LMLN: variants seen among roughly 807,000 people sequenced by gnomAD.
LMLN encodes the protein leishmanolysin-like peptidase.
Under a neutral mutation model 92.3 loss-of-function variants are expected in LMLN, and 70 were observed. That is an observed-to-expected ratio of 0.76 (90% CI 0.63 to 0.92). The LOEUF is 0.92. Ranked by LOEUF, LMLN falls within the 40% of genes least tolerant of loss-of-function variation. The pLI is 0.00. For missense variants in LMLN, 691 were observed against 814.6 expected, an observed-to-expected ratio of 0.85 and a Z score of 1.85; for synonymous variants, 308 against 296.2, an observed-to-expected ratio of 1.04 and a Z score of -0.41.
At chr3:197,976,520 A>G in intron 4 of LMLN, 78 bp from the exon 5 acceptor site, 1 of 695,110 alleles carries the variant, frequency 1.4e-6, no homozygotes, top group Non-Finnish European at 2.5e-6. Context: ...AGCAGCTACC[A>G]GTTGGTTTCC....
chr3:198,022,276 A>G (rs2109938010), intron 13 of LMLN, among the ~76,000 whole-genome samples: 1 of 152,348 alleles, frequency 6.6e-6, no homozygotes, highest in East Asian at 1.9e-4. Context: ...TCAAAGGAAT[A>G]AACAGTATGG....
At chr3:198,030,963 G>T (rs1481878465) in intron 14 of LMLN, among the ~76,000 whole-genome samples, 6 of 148,032 alleles carry the variant, frequency 4.1e-5, no homozygotes, top group Admixed American at 4.0e-4. Context: ...CCTCACCTCT[G>T]CCCTCAGGGT....
intron 14 of LMLN, among the ~76,000 whole-genome samples, chr3:198,028,298 A>G (rs1485003750): frequency 6.6e-6 from 1 of 152,048 alleles, no homozygotes; most frequent in Non-Finnish European, 1.5e-5. Context: ...CCATGTTCAC[A>G]TTAGGGTTCA....
rs1222246333 is a variant in LMLN, at chr3:198,031,785, C to T, written c.1657-4048C>T. ...ATGGGTTGATTCTATTTTTGGTGAT[C>T]ATTAACAGCCTGTTCATATTCAAGA... On this transcript the variant is annotated intron_variant, in intron 14 of 15. Transcript: ENST00000330198. This position sits in a 1 kb window ranked among gnomAD's most constrained non-coding sequence, Gnocchi z 4.8. Among the ~76,000 whole-genome samples, 1 of 152,026 alleles carries T rather than the reference C, an allele frequency of 6.6e-6. No homozygotes were observed. The highest frequency in any genetic ancestry group is 1.5e-5 in the Non-Finnish European group (1 of 68,006).
chr3:197,963,713 CA>C (rs2109837467), intron 1 of LMLN, among the ~76,000 whole-genome samples: 1 of 152,226 alleles, frequency 6.6e-6, no homozygotes, highest in African/African-American at 2.4e-5. Flanking sequence ...TTGATGTTAG[CA>C]ATGTATTAAC....
chr3:197,986,835 A>AT (rs1245046265), intron 8 of LMLN, among the ~76,000 whole-genome samples: 3 of 146,532 alleles, frequency 2.0e-5, no homozygotes, highest in Non-Finnish European at 4.5e-5. Context: ...ATGTTTGAAA[A>AT]TTTTTTTTCT....
chr3:197,992,662 GA>G (rs1404830076), intron 9 of LMLN, among the ~76,000 whole-genome samples: 1 of 152,110 alleles, frequency 6.6e-6, no homozygotes, highest in Admixed American at 6.5e-5. Flanking sequence ...CCATCAAAGA[GA>G]AGCCCAGGAC....
intron 11 of LMLN, among the ~76,000 whole-genome samples, chr3:198,017,147 A>AG (rs1722662041): frequency 6.6e-6 from 1 of 152,150 alleles, no homozygotes; most frequent in African/African-American, 2.4e-5. Context: ...GAAAAAAAAA[A>AG]CAGGTTGTGG....
intron 11 of LMLN, among the ~76,000 whole-genome samples, chr3:198,016,942 G>A (rs1722656902): frequency 3.3e-5 from 5 of 152,134 alleles, no homozygotes. Flanking sequence ...GCATGGCCAT[G>A]TTCCTGTCAT....
intron 14 of LMLN, among the ~76,000 whole-genome samples, chr3:198,033,314 A>G (rs1581186678): frequency 2.0e-5 from 3 of 152,202 alleles, no homozygotes; most frequent in South Asian, 4.1e-4. Context: ...TGTTTCTACC[A>G]TTTATTGACT....
At chr3:198,013,980 C>T (rs1346415572) in intron 11 of LMLN, among the ~76,000 whole-genome samples, 2 of 123,456 alleles carry the variant, frequency 1.6e-5, no homozygotes, top group South Asian at 2.6e-4. Flanking sequence ...GACTTCTCTC[C>T]ACCCTTTAGA....
chr3:197,969,479 TTTG>T (rs1465460339), intron 1 of LMLN, among the ~76,000 whole-genome samples: 14 of 152,172 alleles, frequency 9.2e-5, no homozygotes, highest in Non-Finnish European at 1.6e-4. Flanking sequence ...TATTTAGAAG[TTTG>T]TTGTTTGATT....
At chr3:197,981,775 G>C (rs1232249508) in intron 6 of LMLN, among the ~76,000 whole-genome samples, 1 of 151,774 alleles carries the variant, frequency 6.6e-6, no homozygotes, top group African/African-American at 2.4e-5. Flanking sequence ...TGAGATTAGC[G>C]ATTAGCTGAC....
intron 14 of LMLN, among the ~76,000 whole-genome samples, chr3:198,029,588 G>A (rs1392340500): frequency 1.3e-5 from 2 of 152,066 alleles, no homozygotes; most frequent in African/African-American, 4.8e-5. Context: ...CATGAGAATC[G>A]CTTGAACCTG....
At chr3:197,997,025 C>A (rs2109894655) in intron 10 of LMLN, among the ~76,000 whole-genome samples, 1 of 143,948 alleles carries the variant, frequency 6.9e-6, no homozygotes, top group Non-Finnish European at 1.5e-5. Context: ...CCTTTCTTTT[C>A]TTTTCTTTTC....
At chr3:198,040,907 A>C (rs1723386198) in exon 16 of LMLN, 1 of 132,842 alleles carries the variant, frequency 7.5e-6, no homozygotes, top group African/African-American at 2.9e-5. Context: ...CTATTCCTCC[A>C]TGGCATTGTA....
At chr3:197,962,010 T>G (rs1435248761) in intron 1 of LMLN, among the ~76,000 whole-genome samples, 1 of 152,148 alleles carries the variant, frequency 6.6e-6, no homozygotes, top group Non-Finnish European at 1.5e-5. Flanking sequence ...TTTGAAGTTT[T>G]TTGGTAAAAT....
At position 197,968,124 on chromosome 3, in the gene LMLN, C is replaced by T. The variant is rs898404619; in HGVS notation, c.220-6253C>T. On this transcript the variant is annotated intron_variant, in intron 1 of 15. Coordinates refer to ENST00000330198, the Ensembl canonical transcript of LMLN. Reference sequence around the variant, plus strand: ...GTCCTGAGGTGATGTACATCCTCAGCTTAGGAAGATAACAAGATTAAGAGA... The same window carrying T: ...GTCCTGAGGTGATGTACATCCTCAGTTTAGGAAGATAACAAGATTAAGAGA... Among the ~76,000 whole-genome samples the T allele has an allele frequency of 6.6e-5, 10 of 152,082 alleles. No homozygotes were observed. In the East Asian group the frequency reaches 1.2e-3, roughly 18 times the overall value.
intron 11 of LMLN, among the ~76,000 whole-genome samples, chr3:198,010,328 T>G (rs986213052): frequency 3.3e-5 from 5 of 151,994 alleles, no homozygotes; most frequent in African/African-American, 1.2e-4. Flanking sequence ...TAATTTTGTA[T>G]TTTTTAGTAG....
Sources: allele counts gnomAD v4.1 joint callset (sites outside exome capture counted in the v4.1 genomes callset), GRCh38; gene constraint gnomAD v4.1.1; non-coding constraint Gnocchi (gnomAD v3.1); transcripts MANE v1.5; gene names NCBI Gene and HGNC (gene_info 2026-07-23, HGNC 2026-07-21).